DCLRE1C: variants seen among roughly 807,000 people sequenced by gnomAD.
DCLRE1C encodes DNA cross-link repair 1C, also known as protein artemis.
A neutral mutation model predicts 61.4 loss-of-function variants in DCLRE1C; 47 were observed. The ratio of observed to expected loss-of-function variants is 0.77; its 90% CI spans 0.61 to 0.98. The LOEUF is 0.98. Among genes scored for constraint, DCLRE1C ranks in the 50% least tolerant of loss-of-function variants. The probability of loss-of-function intolerance (pLI) is 0.00; values close to 1 mark genes in which losing one functional copy is unlikely to be tolerated. For synonymous variants in DCLRE1C, 337 were observed against 287.6 expected, an observed-to-expected ratio of 1.17 and a Z score of -1.74; for missense variants, 858 against 816.0, an observed-to-expected ratio of 1.05 and a Z score of -0.63.
chr10:14,932,855 T>C lies in DCLRE1C; in HGVS notation c.779A>G (p.Lys260Arg), dbSNP rs1839255605. 3.7e-6 allele frequency: 6 copies of C among 1,614,150 alleles called. No individual in the cohort carries two copies. The highest frequency in any genetic ancestry group is 5.1e-6 in the Non-Finnish European group (6 of 1,179,992). Residue 260 changes from lysine (K) to arginine (R), a missense_variant and splice_region_variant, in exon 9 of 14, where the codon AAG becomes AGG. Lys to Arg is a conservative substitution (Grantham distance 26). Coordinates refer to ENST00000378278, the MANE Select transcript of DCLRE1C (RefSeq NM_001033855.3). ...GAGAGGAATCACTTGCACACGTACC[T>C]TGGGATGCCGGCATGCATGGATCTG... ...NTQIHACRHP[K>R]AEEYFQWSKL... is the part of the protein sequence containing the mutation.
intron 13 of DCLRE1C, among the ~76,000 whole-genome samples, chr10:14,914,854 C>A (rs1263145705): frequency 2.0e-5 from 3 of 151,850 alleles, no homozygotes; most frequent in African/African-American, 4.8e-5. Context: ...ACAGGAGAAT[C>A]ACTTGAACCT....
chr10:14,897,847 A>G (rs1833694481), exon 14 of DCLRE1C: 1 of 170,734 alleles, frequency 5.9e-6, no homozygotes, highest in African/African-American at 2.4e-5. Flanking sequence ...CAGATGTAAC[A>G]CATGCTGCTT....
rs1839569001 is a variant in DCLRE1C at position 14,934,477 on chromosome 10, A to G, written c.581T>C (p.Ile194Thr). The G allele has an allele frequency of 6.2e-7, 1 of 1,614,224 alleles. No individual in the cohort carries two copies. The highest frequency in any genetic ancestry group is 1.3e-5 in the African/African-American group (1 of 75,050). Residue 194 changes from isoleucine to threonine, a missense_variant, in exon 8 of 14, where the codon ATC (isoleucine) becomes ACC (threonine). By Grantham distance (89) the Ile-to-Thr change is moderately conservative. Transcript: ENST00000378278. ...CACAACATGGTACGGGCTCCGAGTG[A>G]TCCAGCTTCGGACCAGCTCTAAGAC... ...SGVLELVRSWITRSPYHVVWL... is the reference protein window; with the variant it reads ...SGVLELVRSWTTRSPYHVVWL...
intron 5 of DCLRE1C, among the ~76,000 whole-genome samples, chr10:14,935,778 G>T (rs1763243238): frequency 6.6e-6 from 1 of 152,176 alleles, no homozygotes; most frequent in African/African-American, 2.4e-5. Context: ...TACCCAGTTT[G>T]TAATAGATGT....
intron 13 of DCLRE1C, 140 bp downstream of exon 13, chr10:14,919,597 TC>T: frequency 1.4e-6 from 1 of 726,876 alleles, no homozygotes; most frequent in Admixed American, 2.0e-5. Flanking sequence ...GCAAAGTACT[TC>T]CTGAGACCAT....
At chr10:14,954,239 C>T, upstream of DCLRE1C, 4 of 658,620 alleles carry the variant, frequency 6.1e-6, no homozygotes, top group South Asian at 1.8e-5. Context: ...TCGCTGCACG[C>T]GATGGGCCCT....
At chr10:14,953,622 T>A (rs41304292) in intron 1 of DCLRE1C, among the ~76,000 whole-genome samples, 2 of 152,130 alleles carry the variant, frequency 1.3e-5, no homozygotes, top group Non-Finnish European at 2.9e-5. Context: ...CAATCTCTGA[T>A]CATCGGCCAC....
At chr10:14,897,587 A>T in exon 14 of DCLRE1C, 3 of 1,323,708 alleles carry the variant, frequency 2.3e-6, no homozygotes, top group Non-Finnish European at 3.0e-6. Flanking sequence ...TTACCTTTTT[A>T]TCTCTTTAAG....
At position 14,935,492 on chromosome 10, in the gene DCLRE1C, A is replaced by C; in HGVS notation, c.435T>G (p.Ala145=). The C allele has an allele frequency of 6.2e-7, 1 of 1,614,086 alleles. No homozygotes were observed. Among genetic ancestry groups the C allele is most frequent in the Non-Finnish European group, 8.5e-7 (1 of 1,179,970 alleles). The change falls in exon 6 of 14, where the codon GCT becomes GCG. Residue 145 remains alanine (A), a synonymous_variant. Transcript: ENST00000378278. ...GDFRLAQGEA[A]RMELLHSGGR... is the part of the protein sequence containing the mutation. ...CCCCGGAGTGCAGAAGCTCCATTCT[A>C]GCAGCTTCTCCTTGCGCCAATCTGA... is the stretch of plus-strand genomic sequence containing the variant.
In DCLRE1C at chr10:14,939,359, G is replaced by A. The variant is rs376850912; in HGVS notation, c.306+451C>T. 2.2e-3 allele frequency among the ~76,000 whole-genome samples: 329 copies of A among 151,342 alleles called. 3 individuals carry two copies. In the Middle Eastern group the frequency reaches 0.027, roughly 13 times the overall value. The stretch of plus-strand genomic sequence containing the variant: ...CTAGAGAGGCTGAGGCAGGAGAATC[G>A]CTTGAACCCAGGAGGTGGAGGTTGC... On this transcript the variant is annotated intron_variant, in intron 4 of 13. Transcript: ENST00000378278.
chr10:14,902,607 C>A, downstream of DCLRE1C: 1 of 746,316 alleles, frequency 1.3e-6, no homozygotes, highest in Non-Finnish European at 2.1e-6. Context: ...TATCAAGGTT[C>A]TACCTATGTT....
intron 4 of DCLRE1C, among the ~76,000 whole-genome samples, chr10:14,937,500 T>C (rs1840138237): frequency 6.6e-6 from 1 of 152,018 alleles, no homozygotes; most frequent in Non-Finnish European, 1.5e-5. Context: ...GCCAGGCCAG[T>C]CTTGAACTCT....
At chr10:14,918,529 A>G (rs1395307946) in intron 13 of DCLRE1C, among the ~76,000 whole-genome samples, 3 of 152,080 alleles carry the variant, frequency 2.0e-5, no homozygotes, top group Non-Finnish European at 4.4e-5. Context: ...TCTTAATTGT[A>G]GTCATGGTTT....
intron 13 of DCLRE1C, among the ~76,000 whole-genome samples, chr10:14,916,318 C>G (rs1439498423): frequency 1.3e-5 from 2 of 152,096 alleles, no homozygotes; most frequent in African/African-American, 4.8e-5. Context: ...CAATGATGAT[C>G]TTATATAGAA....
At chr10:14,927,102 C>G (rs1330890461) in intron 10 of DCLRE1C, among the ~76,000 whole-genome samples, 2 of 152,122 alleles carry the variant, frequency 1.3e-5, no homozygotes, top group Middle Eastern at 3.2e-3. Flanking sequence ...CTGTTGTAGA[C>G]CGCGTGTGGT....
chr10:14,904,871 G>A lies in DCLRE1C; in HGVS notation c.*3537C>T, dbSNP rs1378074214. On this transcript the variant is annotated 3_prime_UTR_variant, in exon 14 of 14. Transcript: ENST00000378278. ...AGTTTAAAAGGTGAATCCACTGTAT[G>A]TATTATATTGATACCATCATTTTCA... 6.6e-6 allele frequency among the ~76,000 whole-genome samples: 1 copy of A among 152,200 alleles called. No individual in the cohort carries two copies. Among genetic ancestry groups the A allele is most frequent in the Non-Finnish European group, 1.5e-5 (1 of 68,036 alleles).
chr10:14,936,762 CAACA>C (rs1674950593), intron 4 of DCLRE1C, among the ~76,000 whole-genome samples, 169 bp from the exon 5 acceptor site: 1 of 152,166 alleles, frequency 6.6e-6, no homozygotes, highest in Non-Finnish European at 1.5e-5. Context: ...CTTGTCCACT[CAACA>C]AACAGAATTC....
In DCLRE1C at chr10:14,950,345, AT is replaced by A. The variant is rs1321666001; in HGVS notation, c.110-1259del. On this transcript the variant is annotated intron_variant, in intron 1 of 13. Coordinates refer to ENST00000378278, the MANE Select transcript of DCLRE1C (RefSeq NM_001033855.3). ...ACTAGAGTGAAACTCCATCTCAAAA[AT>A]AAATAATAACCAAAAAAAAAAAAAA... 2.6e-5 allele frequency among the ~76,000 whole-genome samples: 4 copies of A among 151,186 alleles called. No individual in the cohort carries two copies. The South Asian group carries it at 8.3e-4, about 32-fold the overall frequency.
At chr10:14,917,248 AC>A (rs1836346465) in intron 13 of DCLRE1C, among the ~76,000 whole-genome samples, 1 of 152,222 alleles carries the variant, frequency 6.6e-6, no homozygotes, top group Non-Finnish European at 1.5e-5. Flanking sequence ...ATTTTTAAAA[AC>A]AAAAATGAAT....
Sources: allele counts gnomAD v4.1 joint callset (sites outside exome capture counted in the v4.1 genomes callset), GRCh38; gene constraint gnomAD v4.1.1; transcripts MANE v1.5; gene names NCBI Gene and HGNC (gene_info 2026-07-23, HGNC 2026-07-21).